The following TAF4B variants were observed in gnomAD, a reference collection of about 807,000 sequenced individuals.
TAF4B encodes the protein transcription initiation factor TFIID subunit 4B.
A neutral mutation model predicts 86.4 loss-of-function variants in TAF4B; 38 were observed. The ratio of observed to expected loss-of-function variants is 0.44; its 90% CI spans 0.34 to 0.58. TAF4B has a LOEUF of 0.58. Among genes scored for constraint, TAF4B ranks in the 20% least tolerant of loss-of-function variants. The pLI, the probability that TAF4B is intolerant of heterozygous loss-of-function variation, is 0.02. For missense variants in TAF4B, 988 were observed against 1,027.6 expected (o/e 0.96, Z 0.53); for synonymous variants, 388 against 391.2 (o/e 0.99, Z 0.10).
At chr18:26,261,262 G>A (rs1448320403) in intron 1 of TAF4B, among the ~76,000 whole-genome samples, 6 of 129,380 alleles carry the variant, frequency 4.6e-5, no homozygotes, top group Non-Finnish European at 6.8e-5. Flanking sequence ...GCTCACTGCC[G>A]GGATCTCGGC....
chr18:26,314,368 T>C (rs1358415717), intron 9 of TAF4B, among the ~76,000 whole-genome samples: 1 of 152,206 alleles, frequency 6.6e-6, no homozygotes, highest in East Asian at 1.9e-4. Context: ...ATACTCATCT[T>C]AGTGCTGTGG....
chr18:26,389,048 G>T (rs1978548179), intron 14 of TAF4B, among the ~76,000 whole-genome samples: 1 of 152,070 alleles, frequency 6.6e-6, no homozygotes, highest in African/African-American at 2.4e-5. Flanking sequence ...CTGACCTCAG[G>T]TGATCCACCC....
intron 13 of TAF4B, among the ~76,000 whole-genome samples, chr18:26,346,400 C>T (rs1334286779): frequency 2.7e-5 from 4 of 148,604 alleles, no homozygotes; most frequent in Middle Eastern, 3.2e-3. Context: ...ATGGGCATTC[C>T]GGAAGGAGAA....
In TAF4B at chr18:26,327,084, T is replaced by C; in HGVS notation, c.2203T>C (p.Leu735=). The change falls in exon 12 of 15, where the codon TTG becomes CTG. Residue 735 remains leucine (L), a synonymous_variant. Coordinates refer to ENST00000269142, the MANE Select transcript of TAF4B (RefSeq NM_005640.3). ...QLKFLEKLDQ[L]EKQRKDLEER... is the part of the protein sequence containing the mutation. ...CAAATTTCTTGAAAAGCTGGATCAA[T>C]TGGAGAAGCAGAGAAAGGATTTGGA... 1 of 1,613,684 alleles carries C rather than the reference T, an allele frequency of 6.2e-7. No homozygotes were observed. Among genetic ancestry groups the C allele is most frequent in the South Asian group, 1.1e-5 (1 of 91,068 alleles).
intron 1 of TAF4B, among the ~76,000 whole-genome samples, chr18:26,252,936 G>T (rs986688532): frequency 6.6e-6 from 1 of 151,618 alleles, no homozygotes; most frequent in Non-Finnish European, 1.5e-5. Context: ...TAATATGTGG[G>T]GTTCAGCACT....
At chr18:26,297,775 G>T (rs1011783706) in intron 9 of TAF4B, among the ~76,000 whole-genome samples, 2 of 152,126 alleles carry the variant, frequency 1.3e-5, no homozygotes, top group East Asian at 3.9e-4. Flanking sequence ...ACAGTTTTTG[G>T]CAATGATAAA....
chr18:26,338,880 A>T (rs1269511734), intron 13 of TAF4B, among the ~76,000 whole-genome samples: 2 of 152,206 alleles, frequency 1.3e-5, no homozygotes, highest in Non-Finnish European at 2.9e-5. Flanking sequence ...ACAGGTTTTT[A>T]TAAAAGCATC....
At chr18:26,346,773 A>ATATATATATATATATGTG (rs1404902479) in intron 13 of TAF4B, among the ~76,000 whole-genome samples, 1 of 24,116 alleles carries the variant, frequency 4.1e-5, no homozygotes, top group Non-Finnish European at 9.9e-5. Context: ...ATATATATAT[A>ATATATATATATATATGTG]TGTGTGTGTA....
chr18:26,300,451 C>G (rs979132418), intron 9 of TAF4B, among the ~76,000 whole-genome samples: 2 of 141,370 alleles, frequency 1.4e-5, no homozygotes, highest in Non-Finnish European at 3.0e-5. Flanking sequence ...TAGCACCCAA[C>G]TGATTATAGG....
In TAF4B at chr18:26,235,960, A is replaced by G. The variant is rs1425383525; in HGVS notation, c.343+8684A>G. 2.6e-5 allele frequency among the ~76,000 whole-genome samples: 4 copies of G among 152,182 alleles called. No homozygotes were observed. In the South Asian group the frequency reaches 6.2e-4, roughly 24 times the overall value. On this transcript the variant is annotated intron_variant, in intron 1 of 14. Transcript: ENST00000269142. The stretch of plus-strand genomic sequence containing the variant: ...CTAAGCCTTGAGCTTTTAAATGTCT[A>G]ACAATATCCTGTAATCCTTTAAGAG...
chr18:26,316,466 CT>C (rs1484588444), intron 10 of TAF4B, among the ~76,000 whole-genome samples: 40 of 152,014 alleles, frequency 2.6e-4, no homozygotes, highest in African/African-American at 8.9e-4. Flanking sequence ...TCTTGGCTCA[CT>C]GCAGCCTCTG....
chr18:26,237,787 CAGAG>C (rs1038627683), intron 1 of TAF4B, among the ~76,000 whole-genome samples: 1 of 152,126 alleles, frequency 6.6e-6, no homozygotes, highest in East Asian at 1.9e-4. Context: ...TTTTCCCCAT[CAGAG>C]AGAGAATACT....
At chr18:26,268,711 C>T (rs1366784026) in intron 3 of TAF4B, among the ~76,000 whole-genome samples, 4 of 152,176 alleles carry the variant, frequency 2.6e-5, no homozygotes, top group African/African-American at 7.2e-5. Context: ...TGATGGGAGT[C>T]GATTACTCTT....
chr18:26,261,261 CG>C (rs2144527437), intron 1 of TAF4B, among the ~76,000 whole-genome samples: 1 of 133,428 alleles, frequency 7.5e-6, no homozygotes, highest in African/African-American at 2.6e-5. Context: ...GGCTCACTGC[CG>C]GGATCTCGGC....
intron 13 of TAF4B, among the ~76,000 whole-genome samples, chr18:26,335,962 G>A (rs986359063): frequency 6.6e-6 from 1 of 152,076 alleles, no homozygotes; most frequent in African/African-American, 2.4e-5. Flanking sequence ...GATCTCACTG[G>A]AGTTGCCCCC....
At position 26,267,541 on chromosome 18, in the gene TAF4B, A is replaced by C. The variant is rs754971944; in HGVS notation, c.515A>C (p.Lys172Thr). ...AACTCTAGCTCACAATTAATCAAGA[A>C]AGTGGCAGTGACACCTGTTAAAAAA... ...VPNSSSQLIK[K>T]VAVTPVKKLA... The change falls in exon 3 of 15, where the codon AAA becomes ACA. Residue 172 changes from lysine to threonine, a missense_variant. Around this residue, in one of 3 missense-constraint regions of TAF4B, gnomAD observed 747 missense variants for 737.9 expected, o/e 1.01. Transcript: ENST00000269142. 6.2e-7 allele frequency: 1 copy of C among 1,614,120 alleles called. No homozygotes were observed. Among genetic ancestry groups the C allele is most frequent in the Non-Finnish European group, 8.5e-7 (1 of 1,179,978 alleles).
intron 8 of TAF4B, among the ~76,000 whole-genome samples, chr18:26,292,626 A>G (rs575286618): frequency 2.9e-4 from 44 of 152,172 alleles, no homozygotes; most frequent in African/African-American, 3.9e-4. Context: ...GGTTTAAGCA[A>G]TTCTCATGTT....
intron 14 of TAF4B, among the ~76,000 whole-genome samples, chr18:26,385,693 T>TG (rs1567934078): frequency 7.1e-6 from 1 of 140,786 alleles, no homozygotes; most frequent in African/African-American, 2.9e-5. Context: ...TTTTTTTTTT[T>TG]TCTTCTTCTT....
intron 12 of TAF4B, among the ~76,000 whole-genome samples, chr18:26,332,901 T>TC (rs900844107): frequency 9.2e-5 from 14 of 152,018 alleles, no homozygotes; most frequent in African/African-American, 2.9e-4. Flanking sequence ...CAACACATGA[T>TC]CTCCAGCCTT....
Sources: gnomAD v4.1 joint callset for allele counts (sites outside exome capture counted in the v4.1 genomes callset) on GRCh38, gnomAD v4.1.1 for gene constraint, gnomAD v4.1.1 regional missense constraint, MANE v1.5 for transcripts, NCBI Gene and HGNC (gene_info 2026-07-23, HGNC 2026-07-21) for gene names.